Variants in CLK4 observed in about 807,000 individuals in gnomAD.
The protein encoded by CLK4 is CDC like kinase 4.
A neutral mutation model predicts 64.4 loss-of-function variants in CLK4; 37 were observed. The ratio of observed to expected loss-of-function variants is 0.57; its 90% CI spans 0.44 to 0.76. CLK4 has a LOEUF of 0.76. Among genes scored for constraint, CLK4 ranks in the 30% least tolerant of loss-of-function variants. The probability of loss-of-function intolerance (pLI) is 0.00; values close to 1 mark genes in which losing one functional copy is unlikely to be tolerated. For synonymous variants in CLK4, 175 were observed against 191.6 expected (o/e 0.91, Z 0.72); for missense variants, 457 against 605.1 (o/e 0.76, Z 2.57).
chr5:178,613,459 T>A lies in CLK4; in HGVS notation c.826+14A>T. 6.9e-7 allele frequency: 1 copy of A among 1,451,698 alleles called. No homozygotes were observed. Among genetic ancestry groups the A allele is most frequent in the Non-Finnish European group, 9.1e-7 (1 of 1,093,942 alleles). 89.9% of individuals were successfully genotyped at this position (1,451,698 alleles called of 1,614,324 possible). ...ATAAATAAATAAAAATAAAGATTTATCAAGTGTACTTACAATTTATTGACT... is the reference window on the plus strand; with the variant it reads ...ATAAATAAATAAAAATAAAGATTTAACAAGTGTACTTACAATTTATTGACT... On this transcript the variant is annotated intron_variant, in intron 7 of 12. Transcript: ENST00000316308.
chr5:178,607,532 AAC>A (rs1764485057), intron 10 of CLK4, among the ~76,000 whole-genome samples: 1 of 52,376 alleles, frequency 1.9e-5, no homozygotes, highest in South Asian at 5.8e-4. Context: ...TTTTTTTTGC[AAC>A]AGAGTCTCAC....
chr5:178,626,028 G>A (rs767725247), intron 1 of CLK4, among the ~76,000 whole-genome samples: 15 of 152,178 alleles, frequency 9.9e-5, no homozygotes, highest in Non-Finnish European at 1.9e-4. Flanking sequence ...GATCTCATAT[G>A]TAGATCCATC....
At chr5:178,616,971 G>A (rs780171122) in intron 4 of CLK4, 23 bp from the exon 5 acceptor site, 14 of 1,554,696 alleles carry the variant, frequency 9.0e-6, no homozygotes, top group Non-Finnish European at 1.2e-5. Context: ...GGGAAAAAGA[G>A]GTGTAAGTAC....
rs70997615 is a variant in CLK4 at position 178,607,507 on chromosome 5, C to CTTTTTT, written c.1134+863_1134+868dup. ...TGGGTTCTCCCTACCTACACTTTGT[C>CTTTTTT]TTTTTTTTTTTTTTTTTTTTTTGCA... is the stretch of plus-strand genomic sequence containing the variant. On this transcript the variant is annotated intron_variant, in intron 10 of 12. Coordinates refer to ENST00000316308, the MANE Select transcript of CLK4 (RefSeq NM_020666.3). Among the ~76,000 whole-genome samples the CTTTTTT allele has an allele frequency of 1.1e-3, 84 of 78,038 alleles. 1 individual carries two copies. Among genetic ancestry groups the CTTTTTT allele is most frequent in the Admixed American group, 1.5e-3 (8 of 5,236 alleles). The allele number at this position is 78,038 out of a possible 152,430, so 51.2% of individuals were successfully genotyped here.
chr5:178,626,286 T>C (rs1353903741), intron 1 of CLK4, among the ~76,000 whole-genome samples: 1 of 152,198 alleles, frequency 6.6e-6, no homozygotes, highest in Non-Finnish European at 1.5e-5. Flanking sequence ...CTGGACTATT[T>C]AGGCAACCAG....
At chr5:178,610,925 T>C (rs1764548212) in intron 9 of CLK4, among the ~76,000 whole-genome samples, 1 of 151,888 alleles carries the variant, frequency 6.6e-6, no homozygotes, top group Non-Finnish European at 1.5e-5. Context: ...CTATAAAAAT[T>C]AGCCGGGTGT....
chr5:178,605,378 T>A lies in CLK4; in HGVS notation c.1139A>T (p.His380Leu). ...CATTGCCAGGTGCTCTTTACTATCATGAGTCTAAAACATGTAAGAAAAAGA... is the reference window on the plus strand; with the variant it reads ...CATTGCCAGGTGCTCTTTACTATCAAGAGTCTAAAACATGTAAGAAAAAGA... Reference protein sequence around the residue: ...YYLGFTVFQTHDSKEHLAMME... With the variant: ...YYLGFTVFQTLDSKEHLAMME... The change falls in exon 11 of 13, where the codon CAT becomes CTT. Residue 380 changes from histidine to leucine, a missense_variant. By Grantham distance (99) the His-to-Leu change is moderately conservative. Transcript: ENST00000316308. 1 of 1,582,638 alleles carries A rather than the reference T, an allele frequency of 6.3e-7. No homozygotes were observed. The highest frequency in any genetic ancestry group is 8.6e-7 in the Non-Finnish European group (1 of 1,165,540).
intron 11 of CLK4, 179 bp from the exon 12 acceptor site, chr5:178,604,113 C>T (rs1447961176): frequency 2.3e-6 from 1 of 439,240 alleles, no homozygotes; most frequent in East Asian, 3.6e-5. Flanking sequence ...CTCATATCCT[C>T]CACCCTGTGA....
intron 3 of CLK4, 81 bp downstream of exon 3, chr5:178,618,475 T>A (rs904293659): frequency 5.2e-5 from 27 of 516,324 alleles, no homozygotes; most frequent in South Asian, 9.9e-5. Context: ...TATATATATA[T>A]AAAAAATTAG....
chr5:178,618,777 G>C lies in CLK4; in HGVS notation c.163C>G (p.His55Asp). 1.2e-6 allele frequency: 2 copies of C among 1,609,050 alleles called. No individual in the cohort carries two copies. The highest frequency in any genetic ancestry group is 8.5e-7 in the Non-Finnish European group (1 of 1,176,574). Residue 55 changes from histidine to aspartate, a missense_variant and splice_region_variant, in exon 3 of 13, where the codon CAT (histidine) becomes GAT (aspartate). By Grantham distance (81) the His-to-Asp change is moderately conservative (BLOSUM62 -1). Coordinates refer to ENST00000316308, the MANE Select transcript of CLK4 (RefSeq NM_020666.3). ...TTCAAGGACCTTGCTTCTAAATAAT[G>C]ACTGCAAACACATTAAAAGATTTCA... is the stretch of plus-strand genomic sequence containing the variant. ...PHHQFKESDC[H>D]YLEARSLNER...
At chr5:178,613,345 C>T (rs1388541475) in intron 7 of CLK4, 128 bp downstream of exon 7, 8 of 523,866 alleles carry the variant, frequency 1.5e-5, no homozygotes, top group East Asian at 8.4e-5. Context: ...GGCGTGAACC[C>T]GGGAGGCTGA....
Position 178,617,634 on chromosome 5 carries a change from A to C in CLK4, c.385-200T>G, listed in dbSNP as rs1764643439. On this transcript the variant is annotated intron_variant, in intron 3 of 12. Coordinates refer to ENST00000316308, the MANE Select transcript of CLK4 (RefSeq NM_020666.3). This position sits in a 1 kb window ranked among gnomAD's most constrained non-coding sequence, Gnocchi z 5.2. Reference sequence around the variant, plus strand: ...GCACAGTTTATGTTACAGAAGAAAAACATGGCAAGGAACAGATTTTCAGAT... The same window carrying C: ...GCACAGTTTATGTTACAGAAGAAAACCATGGCAAGGAACAGATTTTCAGAT... The C allele has an allele frequency of 2.2e-6, 1 of 460,510 alleles. No individual in the cohort carries two copies. Among genetic ancestry groups the C allele is most frequent in the Admixed American group, 4.2e-5 (1 of 23,582 alleles). The allele number at this position is 460,510 out of a possible 1,614,324, so 28.5% of individuals were successfully genotyped here. A position where few individuals can be genotyped will look rare whatever the true frequency, so the allele number is the denominator to read the frequency against.
chr5:178,604,650 C>T (rs988825937), intron 11 of CLK4: 4 of 151,926 alleles, frequency 2.6e-5, no homozygotes, highest in Non-Finnish European at 5.9e-5. Context: ...CCCTCACGTG[C>T]GCAGTTCACA....
intron 1 of CLK4, 40 bp from the exon 2 acceptor site, chr5:178,623,456 A>AT: frequency 1.3e-6 from 2 of 1,530,336 alleles, no homozygotes; most frequent in Non-Finnish European, 1.8e-6. Context: ...GAGGTTACAG[A>AT]TGTGTGATAG....
At chr5:178,623,501 C>CA (rs1338656814) in intron 1 of CLK4, 85 bp from the exon 2 acceptor site, 3 of 1,147,936 alleles carry the variant, frequency 2.6e-6, no homozygotes, top group Non-Finnish European at 3.4e-6. Flanking sequence ...TTTAAGTTAT[C>CA]AAAACCCAAC....
intron 1 of CLK4, among the ~76,000 whole-genome samples, chr5:178,624,666 A>G (rs1475885734): frequency 6.6e-6 from 1 of 152,228 alleles, no homozygotes; most frequent in Non-Finnish European, 1.5e-5. Flanking sequence ...GTGAGTTTAA[A>G]TGGTAAAAAG....
chr5:178,609,500 G>A (rs1413696033), intron 9 of CLK4, among the ~76,000 whole-genome samples: 1 of 151,862 alleles, frequency 6.6e-6, no homozygotes, highest in East Asian at 1.9e-4. Context: ...GACCAACATG[G>A]TGAAACCCCG....
rs1291303029 is a variant in CLK4, at chr5:178,617,770, T to C, written c.385-336A>G. On this transcript the variant is annotated intron_variant, in intron 3 of 12. Transcript: ENST00000316308. The surrounding 1 kb of genome is among the most constrained non-coding windows in gnomAD (Gnocchi z 5.2). ...GCAATGTCATGATTTACTTATCTCT[T>C]GCTATAAACAGCATATGCTGTGAAT... 1 of 175,046 alleles carries C rather than the reference T, an allele frequency of 5.7e-6. No homozygotes were observed. Among genetic ancestry groups the C allele is most frequent in the African/African-American group, 2.4e-5 (1 of 42,156 alleles). 10.8% of individuals were successfully genotyped at this position (175,046 alleles called of 1,614,324 possible).
Position 178,616,548 on chromosome 5 carries a change from C to T in CLK4, c.542+334G>A, listed in dbSNP as rs535073115. On this transcript the variant is annotated intron_variant, in intron 5 of 12. Transcript: ENST00000316308. Reference sequence around the variant, plus strand: ...CAGGGGCTCAGGCTTGTAATCCCAACGTTTTGGGAAACTGAGGCGGGTAGA... The same window carrying T: ...CAGGGGCTCAGGCTTGTAATCCCAATGTTTTGGGAAACTGAGGCGGGTAGA... Among the ~76,000 whole-genome samples, 444 of 152,242 alleles carry T rather than the reference C, an allele frequency of 2.9e-3. 6 individuals are homozygous for T. The highest frequency in any genetic ancestry group is 9.6e-3 in the African/African-American group (401 of 41,560).
Sources: gnomAD v4.1 joint callset for allele counts (sites outside exome capture counted in the v4.1 genomes callset) on GRCh38, gnomAD v4.1.1 for gene constraint, Gnocchi (gnomAD v3.1) non-coding constraint, MANE v1.5 for transcripts, NCBI Gene and HGNC (gene_info 2026-07-23, HGNC 2026-07-21) for gene names.